CNTNAP2: variants seen among roughly 807,000 people sequenced by gnomAD.
CNTNAP2 encodes contactin associated protein 2.
In CNTNAP2, 98 loss-of-function variants were observed where a neutral mutation model predicts 155.2. The observed-to-expected ratio is 0.63, with a 90% confidence interval of 0.54 to 0.75. The LOEUF is 0.75. Among genes scored for constraint, CNTNAP2 ranks in the 30% least tolerant of loss-of-function variants. CNTNAP2 has a pLI of 0.00. For missense variants in CNTNAP2, 1,727 were observed against 1,688.1 expected, an observed-to-expected ratio of 1.02 and a Z score of -0.40; for synonymous variants, 651 against 631.2, an observed-to-expected ratio of 1.03 and a Z score of -0.47.
At chr7:148,292,703 AGATGGCTCGTGAACCCAAG>A (rs1264889344) in intron 21 of CNTNAP2, among the ~76,000 whole-genome samples, 2 of 152,102 alleles carry the variant, frequency 1.3e-5, no homozygotes, top group African/African-American at 4.8e-5. Flanking sequence ...CCTAAAGGAG[AGATGGCTCGTGAACCCAAG>A]GATGCTGCAG....
chr7:147,518,179 G>A (rs117429794), intron 11 of CNTNAP2, among the ~76,000 whole-genome samples: 24 of 152,152 alleles, frequency 1.6e-4, no homozygotes, highest in East Asian at 1.4e-3. Flanking sequence ...ATATACCTGC[G>A]GTGTATCATC....
chr7:146,550,755 A>C (rs1337485700), intron 1 of CNTNAP2, among the ~76,000 whole-genome samples: 1 of 152,068 alleles, frequency 6.6e-6, no homozygotes, highest in Non-Finnish European at 1.5e-5. Context: ...ATCAGCATAG[A>C]GCCTGTATAT....
At chr7:146,150,508 T>C (rs1798020909) in intron 1 of CNTNAP2, among the ~76,000 whole-genome samples, 1 of 152,108 alleles carries the variant, frequency 6.6e-6, no homozygotes, top group Admixed American at 6.6e-5. Context: ...TATTTTTATA[T>C]ATAAAGGTTA....
chr7:147,212,227 C>T (rs577511154), intron 8 of CNTNAP2, among the ~76,000 whole-genome samples: 2 of 151,978 alleles, frequency 1.3e-5, no homozygotes, highest in East Asian at 3.9e-4. Flanking sequence ...TCCAGCACAA[C>T]AATCCCATTA....
At chr7:147,482,614 G>A (rs1252073971) in intron 10 of CNTNAP2, among the ~76,000 whole-genome samples, 1 of 151,956 alleles carries the variant, frequency 6.6e-6, no homozygotes, top group Non-Finnish European at 1.5e-5. Flanking sequence ...CCAGCTGCTC[G>A]GGAGGCTGAG....
intron 15 of CNTNAP2, among the ~76,000 whole-genome samples, chr7:148,059,761 T>A (rs1803098465): frequency 6.7e-6 from 1 of 148,936 alleles, no homozygotes; most frequent in Non-Finnish European, 1.5e-5. Flanking sequence ...TATTTATATT[T>A]AAATTATATA....
intron 3 of CNTNAP2, among the ~76,000 whole-genome samples, chr7:146,866,430 T>C (rs1795206879): frequency 6.6e-6 from 1 of 152,142 alleles, no homozygotes; most frequent in African/African-American, 2.4e-5. Flanking sequence ...AGCTCCTGCA[T>C]ATTAATAATT....
At chr7:147,691,628 G>A (rs1796088423) in intron 13 of CNTNAP2, among the ~76,000 whole-genome samples, 1 of 152,132 alleles carries the variant, frequency 6.6e-6, no homozygotes. Flanking sequence ...CAAGAGCATA[G>A]ATACTAGTAA....
chr7:147,610,869 G>A (rs1482061433), intron 12 of CNTNAP2, among the ~76,000 whole-genome samples: 4 of 152,066 alleles, frequency 2.6e-5, no homozygotes, highest in African/African-American at 9.7e-5. Context: ...CTCCCAAGTA[G>A]CTAGGATCAC....
intron 1 of CNTNAP2, among the ~76,000 whole-genome samples, chr7:146,308,311 T>A (rs1228298413): frequency 2.6e-5 from 4 of 152,130 alleles, no homozygotes; most frequent in Admixed American, 6.5e-5. Flanking sequence ...TGGCAATCAT[T>A]AAAAAGTCAG....
intron 16 of CNTNAP2, among the ~76,000 whole-genome samples, chr7:148,138,469 CA>C (rs1805001427): frequency 6.6e-6 from 1 of 152,216 alleles, no homozygotes; most frequent in Non-Finnish European, 1.5e-5. Flanking sequence ...GACATCACCT[CA>C]AACCAACTTA....
chr7:146,212,727 G>A (rs1799055303), intron 1 of CNTNAP2, among the ~76,000 whole-genome samples: 1 of 152,180 alleles, frequency 6.6e-6, no homozygotes, highest in Non-Finnish European at 1.5e-5. Flanking sequence ...TCATGAAGTA[G>A]AATGAAATAC....
At position 148,229,745 on chromosome 7, in the gene CNTNAP2, A is replaced by G. The variant is rs763650919; in HGVS notation, c.3347A>G (p.Asn1116Ser). The change falls in exon 20 of 24, where the codon AAC becomes AGC. Residue 1116 changes from asparagine to serine, a missense_variant. Transcript: ENST00000361727. ...GCCAATGGACAGCCCCACAGTGTCA[A>G]CATCACCCGCCACGAGAAGACCATC... is the stretch of plus-strand genomic sequence containing the variant. ...NMANGQPHSV[N>S]ITRHEKTIFL... is the part of the protein sequence containing the mutation. 6.2e-7 allele frequency: 1 copy of G among 1,613,962 alleles called. No individual in the cohort carries two copies. Among genetic ancestry groups the G allele is most frequent in the African/African-American group, 1.3e-5 (1 of 74,914 alleles).
At chr7:147,894,953 C>CTTTTT (rs1799752200) in intron 13 of CNTNAP2, among the ~76,000 whole-genome samples, 21 of 63,120 alleles carry the variant, frequency 3.3e-4, no homozygotes, top group Non-Finnish European at 4.4e-4. Context: ...TTCTTTCTTT[C>CTTTTT]TTTCTTTCTT....
intron 14 of CNTNAP2, among the ~76,000 whole-genome samples, chr7:147,910,604 T>A (rs1323310424): frequency 1.3e-5 from 2 of 152,100 alleles, no homozygotes; most frequent in African/African-American, 2.4e-5. Context: ...GGACTCACAG[T>A]TCCACATGGA....
chr7:146,309,320 A>G (rs1563032027), intron 1 of CNTNAP2, among the ~76,000 whole-genome samples: 2 of 152,112 alleles, frequency 1.3e-5, no homozygotes, highest in Admixed American at 6.6e-5. Context: ...GTCCTGAAGA[A>G]GGGGTCTCTG....
chr7:147,067,116 C>T (rs1799795208), intron 4 of CNTNAP2, among the ~76,000 whole-genome samples: 2 of 152,020 alleles, frequency 1.3e-5, no homozygotes, highest in South Asian at 4.2e-4. Flanking sequence ...CATGGTGAAA[C>T]CCCATCTCTA....
At chr7:147,612,770 C>A (rs113335702) in intron 12 of CNTNAP2, among the ~76,000 whole-genome samples, 3 of 152,228 alleles carry the variant, frequency 2.0e-5, no homozygotes, top group African/African-American at 7.2e-5. Flanking sequence ...TATCTGTGTT[C>A]TTAAACTTTA....
rs547674821 is a variant in CNTNAP2, at chr7:147,363,504, T to A, written c.1499-32105T>A. Among the ~76,000 whole-genome samples, 3 of 152,350 alleles carry A rather than the reference T, an allele frequency of 2.0e-5. No homozygotes were observed. The South Asian group carries it at 6.2e-4, about 32-fold the overall frequency. ...CATATTTTTCTAACTGCACATTAGC[T>A]GAGGCATAATTTTTCTTGTACACAT... On this transcript the variant is annotated intron_variant, in intron 9 of 23. Transcript: ENST00000361727.
Sources: gnomAD v4.1 joint callset for allele counts (sites outside exome capture counted in the v4.1 genomes callset) on GRCh38, gnomAD v4.1.1 for gene constraint, MANE v1.5 for transcripts, NCBI Gene and HGNC (gene_info 2026-07-23, HGNC 2026-07-21) for gene names.